Variants in CATSPERD observed in about 807,000 individuals in gnomAD.
CATSPERD encodes the protein cation channel sperm-associated auxiliary subunit delta.
Under a neutral mutation model 98.1 loss-of-function variants are expected in CATSPERD, and 86 were observed. The ratio of observed to expected loss-of-function variants is 0.88; its 90% CI spans 0.74 to 1.05. The LOEUF (loss-of-function observed/expected upper bound fraction) is 1.05. Among genes scored for constraint, CATSPERD ranks in the 50% least tolerant of loss-of-function variants. The pLI is 0.00. For missense variants in CATSPERD, 995 were observed against 1,005.7 expected (o/e 0.99, Z 0.14); for synonymous variants, 394 against 390.2 (o/e 1.01, Z -0.12).
At chr19:5,762,382 T>A (rs2145829328) in intron 15 of CATSPERD, among the ~76,000 whole-genome samples, 1 of 151,982 alleles carries the variant, frequency 6.6e-6, no homozygotes, top group Non-Finnish European at 1.5e-5. Flanking sequence ...TTTTAAACTA[T>A]CAGATATTGT....
At chr19:5,734,111 A>G (rs2055791937) in intron 5 of CATSPERD, 141 bp downstream of exon 5, 6 of 589,294 alleles carry the variant, frequency 1.0e-5, no homozygotes, top group Non-Finnish European at 1.8e-5. Context: ...ACCAAAATGA[A>G]AATTGGCCTG....
At chr19:5,749,996 G>A (rs1283341943) in intron 11 of CATSPERD, among the ~76,000 whole-genome samples, 1 of 150,740 alleles carries the variant, frequency 6.6e-6, no homozygotes, top group African/African-American at 2.4e-5. Flanking sequence ...TGGAGTCAGG[G>A]TTTCACCATA....
intron 19 of CATSPERD, 22 bp downstream of exon 19, chr19:5,771,094 G>T (rs1410491129): frequency 1.2e-6 from 2 of 1,606,922 alleles, no homozygotes; most frequent in Middle Eastern, 1.7e-4. Context: ...GGGGGGTGCT[G>T]CAGGGTGGGG....
intron 13 of CATSPERD, among the ~76,000 whole-genome samples, chr19:5,756,111 T>C (rs2056319433): frequency 1.3e-5 from 2 of 151,410 alleles, no homozygotes; most frequent in African/African-American, 4.9e-5. Flanking sequence ...TGAAACCCCA[T>C]TTCTACTAAA....
In CATSPERD at chr19:5,731,560, G is replaced by GTTTTTTTTTTTTTTTTTT. The variant is rs67541709; in HGVS notation, c.276+1625_276+1642dup. Among the ~76,000 whole-genome samples, 12 of 75,732 alleles carry GTTTTTTTTTTTTTTTTTT rather than the reference G, an allele frequency of 1.6e-4. 3 individuals are homozygous for GTTTTTTTTTTTTTTTTTT. Among genetic ancestry groups the GTTTTTTTTTTTTTTTTTT allele is most frequent in the Non-Finnish European group, 2.4e-4 (10 of 41,976 alleles). The allele number at this position is 75,732 out of a possible 152,430, so 49.7% of individuals were successfully genotyped here. ...TTTCTCCTAAAAGCGACACTTAACAGTTTTTTTTTTTTTTTTTTTTTTTTT... is the reference window on the plus strand; with the variant it reads ...TTTCTCCTAAAAGCGACACTTAACAGTTTTTTTTTTTTTTTTTTTTTTTTTTTTTTTTTTTTTTTTTTT... On this transcript the variant is annotated intron_variant, in intron 4 of 21. Transcript: ENST00000381624.
rs543518012 is a variant in CATSPERD, at chr19:5,763,601, G to A, written c.1506+308G>A. 6.6e-5 allele frequency among the ~76,000 whole-genome samples: 10 copies of A among 152,212 alleles called. No homozygotes were observed. In the South Asian group the frequency reaches 2.1e-3, roughly 32 times the overall value. On this transcript the variant is annotated intron_variant, in intron 16 of 21. Transcript: ENST00000381624. ...TCTTAGGAGGTCCCTAGAGTCATCA[G>A]ATTCATAGGGACAGAAAGTAGGATG... is the stretch of plus-strand genomic sequence containing the variant.
chr19:5,745,590 C>T (rs765757976), intron 8 of CATSPERD, among the ~76,000 whole-genome samples: 7 of 152,034 alleles, frequency 4.6e-5, no homozygotes, highest in Non-Finnish European at 7.4e-5. Flanking sequence ...CACTGCACTC[C>T]AGCCTGGGCA....
At chr19:5,748,623 CAAAAAA>C (rs1179884868) in intron 10 of CATSPERD, among the ~76,000 whole-genome samples, 1 of 50,472 alleles carries the variant, frequency 2.0e-5, no homozygotes, top group Non-Finnish European at 4.0e-5. Flanking sequence ...AGTGAGACTC[CAAAAAA>C]AAAAAAAAAA....
chr19:5,773,009 C>G (rs746613605), intron 20 of CATSPERD, 44 bp downstream of exon 20: 1 of 1,593,828 alleles, frequency 6.3e-7, no homozygotes, highest in Non-Finnish European at 8.6e-7. Flanking sequence ...CAGCAGCCCA[C>G]CAGGGGGTGG....
Position 5,766,146 on chromosome 19 carries a change from T to C in CATSPERD, c.1550T>C (p.Val517Ala), listed in dbSNP as rs531770682. The stretch of plus-strand genomic sequence containing the variant: ...GGCTGCGACCTGGATAAAAAGATCG[T>C]CATCCAGAAGTAAGTATGTTGAGGC... ...SVGCDLDKKI[V>A]IQNKVSACSM... Residue 517 changes from valine to alanine, a missense_variant, in exon 17 of 22, where the codon GTC becomes GCC. Physicochemically the swap from Val to Ala is moderately conservative, Grantham distance 64. This residue lies in a region of CATSPERD where 762 missense variants were observed against 773.7 expected (regional missense o/e 0.98). Coordinates refer to ENST00000381624, the MANE Select transcript of CATSPERD (RefSeq NM_152784.4). 5.3e-5 allele frequency: 86 copies of C among 1,612,948 alleles called. 1 individual carries two copies. The South Asian group carries it at 7.8e-4, about 15-fold the overall frequency.
At chr19:5,763,075 T>C in intron 15 of CATSPERD, 140 bp from the exon 16 acceptor site, 1 of 634,834 alleles carries the variant, frequency 1.6e-6, no homozygotes, top group Non-Finnish European at 2.8e-6. Context: ...GATGGGTGGG[T>C]GGAATGAATG....
chr19:5,759,975 G>C (rs2056403722), intron 15 of CATSPERD, among the ~76,000 whole-genome samples: 1 of 147,132 alleles, frequency 6.8e-6, no homozygotes, highest in African/African-American at 2.5e-5. Flanking sequence ...TATTCAGGAG[G>C]CTTTGGCAGA....
intron 4 of CATSPERD, among the ~76,000 whole-genome samples, chr19:5,731,572 T>TTTTTTTG (rs2055722231): frequency 8.4e-6 from 1 of 119,742 alleles, no homozygotes; most frequent in African/African-American, 3.3e-5. Context: ...TTTTTTTTTT[T>TTTTTTTG]TTTTTTTTTT....
chr19:5,760,011 T>C lies in CATSPERD; in HGVS notation c.1427+867T>C, dbSNP rs573604887. Among the ~76,000 whole-genome samples the C allele has an allele frequency of 7.7e-5, 11 of 142,562 alleles. No homozygotes were observed. In the South Asian group the frequency reaches 2.2e-3, roughly 29 times the overall value. The allele number at this position is 142,562 out of a possible 152,430, so 93.5% of individuals were successfully genotyped here. ...ATTGCTTGAACCCAGGAGGTGGAGCTTGCAGTGAGCCGAGATTGTGGCACT... is the reference window on the plus strand; with the variant it reads ...ATTGCTTGAACCCAGGAGGTGGAGCCTGCAGTGAGCCGAGATTGTGGCACT... On this transcript the variant is annotated intron_variant, in intron 15 of 21. Coordinates refer to ENST00000381624, the MANE Select transcript of CATSPERD (RefSeq NM_152784.4).
At chr19:5,724,127 T>C (rs1383749067) in intron 1 of CATSPERD, among the ~76,000 whole-genome samples, 1 of 151,422 alleles carries the variant, frequency 6.6e-6, no homozygotes, top group Non-Finnish European at 1.5e-5. Flanking sequence ...GATTTCACGA[T>C]GTTGGCCAGG....
chr19:5,775,666 AAGAAAG>A (rs1348948766), intron 20 of CATSPERD, among the ~76,000 whole-genome samples: 2 of 149,652 alleles, frequency 1.3e-5, no homozygotes, highest in African/African-American at 5.0e-5. Context: ...AAAAAAAAAA[AAGAAAG>A]AAAAGAAAGA....
At chr19:5,745,870 A>G (rs777593773) in intron 8 of CATSPERD, 43 bp from the exon 9 acceptor site, 2 of 1,607,016 alleles carry the variant, frequency 1.2e-6, no homozygotes, top group African/African-American at 1.3e-5. Context: ...GGGACTCCAC[A>G]GTAGGGTTTG....
intron 1 of CATSPERD, among the ~76,000 whole-genome samples, chr19:5,723,219 A>G (rs1421616693): frequency 2.0e-5 from 3 of 151,460 alleles, no homozygotes; most frequent in African/African-American, 7.3e-5. Flanking sequence ...AAAAGAAAAA[A>G]GAAATTTTCA....
At position 5,770,972 on chromosome 19, in the gene CATSPERD, C is replaced by T. The variant is rs111770615; in HGVS notation, c.1663C>T (p.Gln555Ter). Residue 555 changes from glutamine (Q) to a stop codon, truncating the protein, a stop_gained, in exon 19 of 22, where the codon CAG (glutamine) becomes TAG (stop). Transcript: ENST00000381624. LOFTEE classifies it high-confidence loss of function. ...ATTCTACGACCCCGGCTTCCAGGGG[C>T]AGCAGTCCTCCGAGGACCTGCACGT... ...KEFYDPGFQG[Q>*]QSSEDLHVFY... is the part of the protein sequence containing the mutation. 2 of 1,612,616 alleles carry T rather than the reference C, an allele frequency of 1.2e-6. No homozygotes were observed. The highest frequency in any genetic ancestry group is 2.2e-5 in the South Asian group (2 of 90,880).
Sources: allele counts gnomAD v4.1 joint callset (sites outside exome capture counted in the v4.1 genomes callset), GRCh38; gene constraint gnomAD v4.1.1; regional missense constraint gnomAD v4.1.1; transcripts MANE v1.5; gene names NCBI Gene and HGNC (gene_info 2026-07-23, HGNC 2026-07-21).